Variants in FBXL22 observed in about 807,000 individuals in gnomAD.
FBXL22 encodes F-box and leucine rich repeat protein 22, also known as F-box and leucine-rich protein 22.
A neutral mutation model predicts 11.7 loss-of-function variants in FBXL22; 13 were observed. The observed-to-expected ratio is 1.11, with a 90% CI of 0.73 to 1.77. The LOEUF is 1.77. Among genes scored for constraint, FBXL22 ranks in the 40% most tolerant of loss-of-function variants. The probability of loss-of-function intolerance (pLI) is 0.00; values close to 1 mark genes in which losing one functional copy is unlikely to be tolerated. For synonymous variants in FBXL22, 160 were observed against 144.1 expected, an observed-to-expected ratio of 1.11 and a Z score of -0.79; for missense variants, 406 against 320.4, an observed-to-expected ratio of 1.27 and a Z score of -2.04.
At chr15:63,603,093 T>A (rs1457239302), downstream of FBXL22, among the ~76,000 whole-genome samples, 1 of 152,204 alleles carries the variant, frequency 6.6e-6, no homozygotes. Flanking sequence ...GTGTGATGTC[T>A]TAGAAGTTTC....
rs2152688634 is a variant in FBXL22 at position 63,600,459 on chromosome 15, A to C, written c.354-238A>C. ...TCGGGGCTTCCCACTAGGGGCTCCC[A>C]AGGCTACGAGCCAAGAACCCACGCA... On this transcript the variant is annotated intron_variant, in intron 1 of 1. Coordinates refer to ENST00000638704, the MANE Select transcript of FBXL22 (RefSeq NM_001367807.1). The C allele has an allele frequency of 2.5e-6, 3 of 1,216,260 alleles. No homozygotes were observed. In the South Asian group the frequency reaches 1.3e-4, roughly 52 times the overall value. 75.3% of individuals were successfully genotyped at this position (1,216,260 alleles called of 1,614,324 possible). A position where few individuals can be genotyped will look rare whatever the true frequency, so the allele number is the denominator to read the frequency against.
rs1474847109 is a variant in FBXL22, at chr15:63,600,850, G to A, written c.507G>A (p.Ala169=). The A allele has an allele frequency of 5.7e-6, 7 of 1,229,774 alleles. No individual in the cohort carries two copies. Among genetic ancestry groups the A allele is most frequent in the Non-Finnish European group, 7.1e-6 (7 of 986,770 alleles). 76.2% of individuals were successfully genotyped at this position (1,229,774 alleles called of 1,614,324 possible). A position where few individuals can be genotyped will look rare whatever the true frequency, so the allele number is the denominator to read the frequency against. Residue 169 remains alanine, a synonymous_variant, in exon 2 of 2, where the codon GCG becomes GCA. Coordinates refer to ENST00000638704, the MANE Select transcript of FBXL22 (RefSeq NM_001367807.1). ...VTNRTLAAVA[A]DGRALQTLHV... is the part of the protein sequence containing the mutation. ...ACCGCACGTTGGCTGCCGTGGCGGC[G>A]GACGGGCGCGCGCTGCAGACATTGC...
downstream of FBXL22, chr15:63,601,606 C>G (rs750642288): frequency 4.4e-6 from 7 of 1,586,942 alleles, no homozygotes; most frequent in Admixed American, 1.2e-4. Flanking sequence ...AAGGAGCCAC[C>G]GAGCCGCTCC....
At chr15:63,601,318 C>T, downstream of FBXL22, 3 of 1,593,884 alleles carry the variant, frequency 1.9e-6, no homozygotes, top group Non-Finnish European at 2.6e-6. Flanking sequence ...GCGCTCCCCA[C>T]GGAGGCGGGA....
chr15:63,605,446 G>A (rs555034591), downstream of FBXL22, among the ~76,000 whole-genome samples: 4 of 152,334 alleles, frequency 2.6e-5, no homozygotes, highest in East Asian at 7.7e-4. Flanking sequence ...ACAAATCCCA[G>A]GCACTGGGAA....
At chr15:63,607,675 C>T in the FBXL22 span, among the ~76,000 whole-genome samples, 1 of 152,230 alleles carries the variant, frequency 6.6e-6, no homozygotes, top group Non-Finnish European at 1.5e-5. Context: ...ACCTATCTTC[C>T]TTGTGGAAAA....
chr15:63,601,459 G>A (rs779059707), downstream of FBXL22: 3 of 1,573,454 alleles, frequency 1.9e-6, no homozygotes, highest in Non-Finnish European at 1.7e-6. Context: ...CGCGCGCAGG[G>A]GTCTGGGGAG....
chr15:63,604,094 A>G (rs2152689297), downstream of FBXL22, among the ~76,000 whole-genome samples: 1 of 152,240 alleles, frequency 6.6e-6, no homozygotes, highest in Non-Finnish European at 1.5e-5. Flanking sequence ...CTGGACAACA[A>G]CAGGATCCTG....
At position 63,597,814 on chromosome 15, in the gene FBXL22, A is replaced by G. The variant is rs752172251; in HGVS notation, c.353+69A>G. 8.4e-6 allele frequency: 12 copies of G among 1,433,028 alleles called. No homozygotes were observed. The highest frequency in any genetic ancestry group is 1.1e-5 in the Non-Finnish European group (12 of 1,074,636). The allele number at this position is 1,433,028 out of a possible 1,614,324, so 88.8% of individuals were successfully genotyped here. A position where few individuals can be genotyped will look rare whatever the true frequency, so the allele number is the denominator to read the frequency against. ...TGGCTTCCCTCTTGGGGGGCAGGGAAGAGCAAATTACGAGACCAAGATGGC... is the reference window on the plus strand; with the variant it reads ...TGGCTTCCCTCTTGGGGGGCAGGGAGGAGCAAATTACGAGACCAAGATGGC... On this transcript the variant is annotated intron_variant, in intron 1 of 1. Coordinates refer to ENST00000638704, the MANE Select transcript of FBXL22 (RefSeq NM_001367807.1). This position sits in a 1 kb window ranked among gnomAD's most constrained non-coding sequence, Gnocchi z 4.3.
chr15:63,599,291 C>A, intron 1 of FBXL22: 1 of 1,491,046 alleles, frequency 6.7e-7, no homozygotes, highest in South Asian at 1.3e-5. Context: ...ACAGTCCGCT[C>A]TTTGTTTTTT....
chr15:63,601,615 C>T (rs1262750338), downstream of FBXL22: 1 of 1,599,444 alleles, frequency 6.3e-7, no homozygotes, highest in Admixed American at 1.7e-5. Flanking sequence ...CCGAGCCGCT[C>T]CTCCTTGCGG....
At chr15:63,600,145 C>G (rs1215774386) in intron 1 of FBXL22, 1 of 985,736 alleles carries the variant, frequency 1.0e-6, no homozygotes, top group Non-Finnish European at 1.2e-6. Flanking sequence ...AGGAACAGCT[C>G]TAGTCTACTA....
rs2067299889 is a variant in FBXL22, at chr15:63,597,923, T to C, written c.353+178T>C. 6.6e-6 allele frequency among the ~76,000 whole-genome samples: 1 copy of C among 152,206 alleles called. No individual in the cohort carries two copies. Among genetic ancestry groups the C allele is most frequent in the South Asian group, 2.1e-4 (1 of 4,824 alleles). On this transcript the variant is annotated intron_variant, in intron 1 of 1. Transcript: ENST00000638704. The surrounding 1 kb of genome is among the most constrained non-coding windows in gnomAD (Gnocchi z 4.3). ...GGGTCCCCAGGAGACAATAAAATCATGAGGGAAACAATTGCTAATCCTCCT... is the reference window on the plus strand; with the variant it reads ...GGGTCCCCAGGAGACAATAAAATCACGAGGGAAACAATTGCTAATCCTCCT...
intron 1 of FBXL22, chr15:63,599,512 T>C: frequency 8.7e-7 from 1 of 1,149,032 alleles, no homozygotes; most frequent in Non-Finnish European, 1.1e-6. Flanking sequence ...CGGAGCCAGT[T>C]TCTTCATGTA....
At chr15:63,603,273 C>T (rs2067395161), downstream of FBXL22, among the ~76,000 whole-genome samples, 1 of 152,212 alleles carries the variant, frequency 6.6e-6, no homozygotes, top group African/African-American at 2.4e-5. Context: ...AGACATCATA[C>T]TCAGCCCATT....
chr15:63,605,656 G>C (rs565780297), downstream of FBXL22, among the ~76,000 whole-genome samples: 1 of 152,214 alleles, frequency 6.6e-6, no homozygotes, highest in Non-Finnish European at 1.5e-5. Flanking sequence ...TTGTATTCCC[G>C]AGCCACCCAG....
chr15:63,599,879 ACCCCAGTGGTAGACATTATTCC>A, intron 1 of FBXL22: 1 of 985,564 alleles, frequency 1.0e-6, no homozygotes, highest in Non-Finnish European at 1.2e-6. Context: ...GCTCCTCACA[ACCCCAGTGGTAGACATTATTCC>A]CCCCACGCAG....
intron 1 of FBXL22, chr15:63,599,136 A>G: frequency 7.0e-7 from 1 of 1,430,078 alleles, no homozygotes; most frequent in Non-Finnish European, 9.5e-7. Flanking sequence ...AATGTGCTAA[A>G]TTTTTCTTAT....
At chr15:63,601,456 A>T, downstream of FBXL22, 1 of 1,569,748 alleles carries the variant, frequency 6.4e-7, no homozygotes, top group Non-Finnish European at 8.7e-7. Flanking sequence ...TGCCGCGCGC[A>T]GGGGTCTGGG....
Sources: allele counts gnomAD v4.1 joint callset (sites outside exome capture counted in the v4.1 genomes callset), GRCh38; gene constraint gnomAD v4.1.1; non-coding constraint Gnocchi (gnomAD v3.1); transcripts MANE v1.5; gene names NCBI Gene and HGNC (gene_info 2026-07-23, HGNC 2026-07-21).